The following GOT2 variants were observed in gnomAD, a reference collection of about 807,000 sequenced individuals.
The protein encoded by GOT2 is glutamic-oxaloacetic transaminase 2, also known as aspartate aminotransferase, mitochondrial.
GOT2 carries 17 observed loss-of-function variants against 50.0 expected under a neutral mutation model. The observed-to-expected ratio is 0.34, with a 90% CI of 0.23 to 0.51. The LOEUF (loss-of-function observed/expected upper bound fraction) is 0.51. Ranked by LOEUF, GOT2 falls within the 20% of genes least tolerant of loss-of-function variation. The pLI is 0.97. For synonymous variants in GOT2, 172 were observed against 204.9 expected, an observed-to-expected ratio of 0.84 and a Z score of 1.37; for missense variants, 430 against 559.6, an observed-to-expected ratio of 0.77 and a Z score of 2.34.
intron 3 of GOT2, among the ~76,000 whole-genome samples, chr16:58,720,393 G>A (rs2044731938): frequency 1.3e-5 from 2 of 152,262 alleles, no homozygotes; most frequent in Admixed American, 6.5e-5. Context: ...TTTTAAAGGT[G>A]TTGTAGAAGT....
chr16:58,722,358 T>A, intron 2 of GOT2, 80 bp from the exon 3 acceptor site: 1 of 1,453,326 alleles, frequency 6.9e-7, no homozygotes. Flanking sequence ...GTTTTATAAG[T>A]TAAGTTTTGG....
At chr16:58,719,138 C>T in intron 4 of GOT2, 58 bp downstream of exon 4, 1 of 1,219,824 alleles carries the variant, frequency 8.2e-7, no homozygotes. Context: ...ACACACACAA[C>T]AGGAAGCCCT....
At chr16:58,716,947 G>A (rs1371401070) in intron 6 of GOT2, 134 bp from the exon 7 acceptor site, 14 of 722,200 alleles carry the variant, frequency 1.9e-5, no homozygotes, top group Middle Eastern at 2.4e-4. Flanking sequence ...TGGGGCTAAC[G>A]TAATCCTGGA....
At chr16:58,717,208 T>A (rs550279718) in intron 6 of GOT2, among the ~76,000 whole-genome samples, 1 of 152,140 alleles carries the variant, frequency 6.6e-6, no homozygotes, top group African/African-American at 2.4e-5. Context: ...ATGCTGTCTC[T>A]GTGAAAAATA....
At chr16:58,710,159 G>C (rs2044634611) in intron 8 of GOT2, among the ~76,000 whole-genome samples, 1 of 151,906 alleles carries the variant, frequency 6.6e-6, no homozygotes, top group Non-Finnish European at 1.5e-5. Context: ...AGGCCTCCCA[G>C]AGTGCCGGGA....
rs1318093811 is a variant in GOT2, at chr16:58,724,188, A to G, written c.90-286T>C. On this transcript the variant is annotated intron_variant, in intron 1 of 9. Transcript: ENST00000245206. ...GGCTGGTTTTAAACTCCAGACCTCA[A>G]GTGATCCACCGCACCCGGCCATATT... 2.0e-5 allele frequency among the ~76,000 whole-genome samples: 3 copies of G among 152,044 alleles called. No homozygotes were observed. In the East Asian group the frequency reaches 5.8e-4, roughly 30 times the overall value.
chr16:58,732,542 A>G (rs190737250), intron 1 of GOT2, among the ~76,000 whole-genome samples: 42 of 152,354 alleles, frequency 2.8e-4, no homozygotes, highest in African/African-American at 9.6e-4. Flanking sequence ...CTTAAAATAA[A>G]AATATCCAAT....
intron 8 of GOT2, among the ~76,000 whole-genome samples, chr16:58,715,626 C>T (rs534050013): frequency 4.6e-5 from 7 of 152,214 alleles, no homozygotes; most frequent in African/African-American, 1.7e-4. Context: ...AATCTCGGCT[C>T]ACTGCAGCCT....
Position 58,710,465 on chromosome 16 carries a change from C to T in GOT2, c.1020-898G>A, listed in dbSNP as rs137982268. ...CAGGCTGGTCTGGAACTCCTGGGCTCAAGTGATTCTCCCACCTTGGCCTCC... is the reference window on the plus strand; with the variant it reads ...CAGGCTGGTCTGGAACTCCTGGGCTTAAGTGATTCTCCCACCTTGGCCTCC... On this transcript the variant is annotated intron_variant, in intron 8 of 9. Transcript: ENST00000245206. 4.7e-3 allele frequency among the ~76,000 whole-genome samples: 713 copies of T among 150,362 alleles called. 14 individuals are homozygous for T. Among genetic ancestry groups the T allele is most frequent in the East Asian group, 0.044 (224 of 5,084 alleles).
intron 2 of GOT2, among the ~76,000 whole-genome samples, chr16:58,722,807 T>C (rs959646515): frequency 2.0e-5 from 3 of 152,198 alleles, no homozygotes; most frequent in African/African-American, 7.2e-5. Flanking sequence ...TGTGGATGGG[T>C]ATAGTCTCTC....
chr16:58,721,898 AG>A, intron 3 of GOT2: 1 of 276,426 alleles, frequency 3.6e-6, no homozygotes, highest in Non-Finnish European at 6.9e-6. Context: ...CTCCTGCCTA[AG>A]CCTCCTGAGT....
intron 6 of GOT2, 25 bp from the exon 7 acceptor site, chr16:58,716,838 C>A (rs760071011): frequency 6.2e-7 from 1 of 1,611,420 alleles, no homozygotes; most frequent in East Asian, 2.2e-5. Context: ...AAGATCGAAG[C>A]TTTAGCAGTC....
chr16:58,723,549 G>GA (rs1453159707), intron 2 of GOT2, among the ~76,000 whole-genome samples, 197 bp downstream of exon 2: 3 of 152,046 alleles, frequency 2.0e-5, no homozygotes, highest in Non-Finnish European at 4.4e-5. Flanking sequence ...TCAATCTTGG[G>GA]AAAAAACAGG....
chr16:58,720,312 T>G (rs2044731228), intron 3 of GOT2, among the ~76,000 whole-genome samples: 1 of 152,228 alleles, frequency 6.6e-6, no homozygotes, highest in Non-Finnish European at 1.5e-5. Context: ...GTGAATCTCC[T>G]TATTCAAATT....
intron 1 of GOT2, among the ~76,000 whole-genome samples, chr16:58,728,483 C>G (rs955022065): frequency 6.6e-6 from 1 of 152,190 alleles, no homozygotes; most frequent in African/African-American, 2.4e-5. Flanking sequence ...TTGTAACCAT[C>G]CTGCATCCTA....
chr16:58,711,965 C>T (rs373231985), intron 8 of GOT2, among the ~76,000 whole-genome samples: 11 of 152,128 alleles, frequency 7.2e-5, no homozygotes, highest in Admixed American at 3.9e-4. Flanking sequence ...TCCTCACATT[C>T]GTGTTTTCAT....
At chr16:58,723,427 G>A (rs257633) in intron 2 of GOT2, among the ~76,000 whole-genome samples, 105,066 of 151,672 alleles carry the variant, frequency 0.69, 36,914 homozygotes, top group Middle Eastern at 0.86. Flanking sequence ...AAGAGACAGC[G>A]CTTAAAGTCT....
intron 8 of GOT2, among the ~76,000 whole-genome samples, chr16:58,714,876 T>C (rs901566760): frequency 3.9e-5 from 6 of 152,088 alleles, no homozygotes; most frequent in Non-Finnish European, 7.4e-5. Flanking sequence ...GGGGTTTCAG[T>C]ATGTTGCCCA....
At chr16:58,727,068 C>T (rs1029999418) in intron 1 of GOT2, among the ~76,000 whole-genome samples, 5 of 152,178 alleles carry the variant, frequency 3.3e-5, no homozygotes, top group African/African-American at 1.2e-4. Context: ...GCATGAGAAT[C>T]GCTTGAACCC....
Sources: allele counts gnomAD v4.1 joint callset (sites outside exome capture counted in the v4.1 genomes callset), GRCh38; gene constraint gnomAD v4.1.1; transcripts MANE v1.5; gene names NCBI Gene and HGNC (gene_info 2026-07-23, HGNC 2026-07-21).